DAZAP1: variants seen among roughly 807,000 people sequenced by gnomAD.
The protein encoded by DAZAP1 is DAZ associated protein 1, also known as DAZ-associated protein 1.
A neutral mutation model predicts 60.1 loss-of-function variants in DAZAP1; 6 were observed. The observed-to-expected ratio is 0.10, with a 90% CI of 0.05 to 0.20. DAZAP1 has a LOEUF of 0.20. Ranked by LOEUF, DAZAP1 falls within the 10% of genes least tolerant of loss-of-function variation. The pLI is 1.00. For missense variants in DAZAP1, 366 were observed against 560.4 expected (o/e 0.65, Z 3.50); for synonymous variants, 235 against 215.9 (o/e 1.09, Z -0.78).
In DAZAP1 at chr19:1,426,044, T is replaced by C. The variant is rs558831610; in HGVS notation, c.546+84T>C. On this transcript the variant is annotated intron_variant, in intron 7 of 11. Coordinates refer to ENST00000233078, the MANE Select transcript of DAZAP1 (RefSeq NM_018959.4). This position sits in a 1 kb window ranked among gnomAD's most constrained non-coding sequence, Gnocchi z 5.4. ...GGTTTCACTGGAAAGGAACATTCCTTCACGGAAAGGGTCGGGCGAGTTCGT... is the reference window on the plus strand; with the variant it reads ...GGTTTCACTGGAAAGGAACATTCCTCCACGGAAAGGGTCGGGCGAGTTCGT... 233 of 1,034,610 alleles carry C rather than the reference T, an allele frequency of 2.3e-4. No individual in the cohort carries two copies. Among genetic ancestry groups the C allele is most frequent in the Middle Eastern group, 6.1e-4 (3 of 4,936 alleles). The allele number at this position is 1,034,610 out of a possible 1,614,324, so 64.1% of individuals were successfully genotyped here.
chr19:1,422,490 G>GT lies in DAZAP1; in HGVS notation c.463+95dup. 1 of 1,217,364 alleles carries GT rather than the reference G, an allele frequency of 8.2e-7. No individual in the cohort carries two copies. The highest frequency in any genetic ancestry group is 1.2e-6 in the Non-Finnish European group (1 of 834,894). The allele number at this position is 1,217,364 out of a possible 1,614,324, so 75.4% of individuals were successfully genotyped here. On this transcript the variant is annotated intron_variant, in intron 6 of 11. Coordinates refer to ENST00000233078, the MANE Select transcript of DAZAP1 (RefSeq NM_018959.4). This position sits in a 1 kb window ranked among gnomAD's most constrained non-coding sequence, Gnocchi z 4.5. ...CGCCAGGCACACACAGGTGGCGGCT[G>GT]TAGCAAACAGCCTCAGGAAGGGACG... is the stretch of plus-strand genomic sequence containing the variant.
chr19:1,433,686 T>C lies in DAZAP1; in HGVS notation c.1048+996T>C. 1.4e-6 allele frequency: 2 copies of C among 1,479,082 alleles called. No homozygotes were observed. Among genetic ancestry groups the C allele is most frequent in the Non-Finnish European group, 9.4e-7 (1 of 1,059,872 alleles). 91.6% of individuals were successfully genotyped at this position (1,479,082 alleles called of 1,614,324 possible). ...TTGGGGCGTGGCGTGTGTCAGCCGC[T>C]GCTCTTGGTGGCGGCTGCTTGGGTT... On this transcript the variant is annotated intron_variant, in intron 11 of 11. Transcript: ENST00000233078. This position sits in a 1 kb window ranked among gnomAD's most constrained non-coding sequence, Gnocchi z 6.1.
chr19:1,413,480 G>T (rs2082884908), intron 1 of DAZAP1, among the ~76,000 whole-genome samples: 1 of 152,264 alleles, frequency 6.6e-6, no homozygotes, highest in South Asian at 2.1e-4. Context: ...CCTGGAGGCA[G>T]TCCCTGCCAC....
chr19:1,414,033 T>G (rs967563772), intron 1 of DAZAP1, among the ~76,000 whole-genome samples: 6 of 73,672 alleles, frequency 8.1e-5, no homozygotes, highest in African/African-American at 1.8e-4. Flanking sequence ...GTGTGTGTGT[T>G]TAGATGGACC....
Position 1,426,245 on chromosome 19 carries a change from G to A in DAZAP1, c.546+285G>A, listed in dbSNP as rs1429870989. On this transcript the variant is annotated intron_variant, in intron 7 of 11. Coordinates refer to ENST00000233078, the MANE Select transcript of DAZAP1 (RefSeq NM_018959.4). This position sits in a 1 kb window ranked among gnomAD's most constrained non-coding sequence, Gnocchi z 5.4. ...GGGCTGGGGCTGGGAGGCTGTGGCGGTGTTGGGGCTGGCTCCAGTGAAACC... is the reference window on the plus strand; with the variant it reads ...GGGCTGGGGCTGGGAGGCTGTGGCGATGTTGGGGCTGGCTCCAGTGAAACC... 3 of 417,992 alleles carry A rather than the reference G, an allele frequency of 7.2e-6. No homozygotes were observed. The highest frequency in any genetic ancestry group is 4.1e-5 in the African/African-American group (2 of 49,224). 25.9% of individuals were successfully genotyped at this position (417,992 alleles called of 1,614,324 possible).
In DAZAP1 at chr19:1,430,285, A is replaced by T. The variant is rs1294542593; in HGVS notation, c.794A>T (p.Tyr265Phe). 4 of 1,470,554 alleles carry T rather than the reference A, an allele frequency of 2.7e-6. No individual in the cohort carries two copies. The highest frequency in any genetic ancestry group is 3.7e-6 in the Non-Finnish European group (4 of 1,080,062). The allele number at this position is 1,470,554 out of a possible 1,614,324, so 91.1% of individuals were successfully genotyped here. A position where few individuals can be genotyped will look rare whatever the true frequency, so the allele number is the denominator to read the frequency against. ...CCGCCACCCCCACCGTTCACCTCCT[A>T]CATCGTGTCCACCCCTCCTGGAGGC... ...APPPPPPFTS[Y>F]IVSTPPGGFP... is the part of the protein sequence containing the mutation. Residue 265 changes from tyrosine (Y) to phenylalanine (F), a missense_variant, in exon 10 of 12, where the codon TAC (tyrosine) becomes TTC (phenylalanine). Tyr to Phe is a conservative substitution (Grantham distance 22). This residue lies in a region of DAZAP1 where 240 missense variants were observed against 308.8 expected (regional missense o/e 0.78). Transcript: ENST00000233078.
chr19:1,410,108 G>C (rs753549397), intron 1 of DAZAP1: 1 of 152,264 alleles, frequency 6.6e-6, no homozygotes, highest in African/African-American at 2.4e-5. Flanking sequence ...CTTGGGGGAA[G>C]CTCTGCTTTT....
chr19:1,414,277 C>G (rs1351343589), intron 1 of DAZAP1, among the ~76,000 whole-genome samples: 1 of 152,098 alleles, frequency 6.6e-6, no homozygotes, highest in Non-Finnish European at 1.5e-5. Context: ...CTCAGCCTTG[C>G]AAAGTGCTGG....
At chr19:1,419,466 G>A (rs1250546386) in intron 4 of DAZAP1, among the ~76,000 whole-genome samples, 6 of 152,164 alleles carry the variant, frequency 3.9e-5, no homozygotes, top group Non-Finnish European at 7.4e-5. Context: ...CCTAAGGACC[G>A]GAGGGTGCGT....
chr19:1,407,749 G>A lies in DAZAP1; in HGVS notation c.-25G>A. The A allele has an allele frequency of 9.2e-7, 1 of 1,084,220 alleles. No individual in the cohort carries two copies. The allele number at this position is 1,084,220 out of a possible 1,614,324, so 67.2% of individuals were successfully genotyped here. The stretch of plus-strand genomic sequence containing the variant: ...GGAGCGAGCGAGGAGGCCCGGGAGC[G>A]CCGAGCGTCGCCGCCGCCGCCGCCA... On this transcript the variant is annotated 5_prime_UTR_variant, in exon 1 of 12. Transcript: ENST00000233078.
chr19:1,414,029 G>GTGTT (rs1219900372), intron 1 of DAZAP1, among the ~76,000 whole-genome samples: 2 of 149,520 alleles, frequency 1.3e-5, no homozygotes, highest in Non-Finnish European at 3.0e-5. Context: ...GTGTGTGTGT[G>GTGTT]TGTTTAGATG....
At chr19:1,421,119 G>A in intron 4 of DAZAP1, 29 bp from the exon 5 acceptor site, 1 of 1,607,948 alleles carries the variant, frequency 6.2e-7, no homozygotes, top group Non-Finnish European at 8.5e-7. Context: ...GTTCCCGTGT[G>A]AACTAACTAT....
At chr19:1,421,396 C>A (rs1314295477) in intron 5 of DAZAP1, 138 bp downstream of exon 5, 2 of 707,342 alleles carry the variant, frequency 2.8e-6, no homozygotes, top group Non-Finnish European at 4.7e-6. Context: ...CGTATTTCCC[C>A]AACGCCTGCG....
chr19:1,432,738 G>T lies in DAZAP1; in HGVS notation c.1048+48G>T. On this transcript the variant is annotated intron_variant, in intron 11 of 11. Coordinates refer to ENST00000233078, the MANE Select transcript of DAZAP1 (RefSeq NM_018959.4). The surrounding 1 kb of genome is among the most constrained non-coding windows in gnomAD (Gnocchi z 4.9). ...GCGTCCCCGCTGGCCCCAGGACCCT[G>T]GGCACGGCCTGCCTTCTTCTGCTTC... 6.5e-7 allele frequency: 1 copy of T among 1,530,206 alleles called. No individual in the cohort carries two copies. Among genetic ancestry groups the T allele is most frequent in the South Asian group, 1.3e-5 (1 of 79,042 alleles). 94.8% of individuals were successfully genotyped at this position (1,530,206 alleles called of 1,614,324 possible).
chr19:1,413,664 C>G (rs1343778337), intron 1 of DAZAP1, among the ~76,000 whole-genome samples: 1 of 152,214 alleles, frequency 6.6e-6, no homozygotes, highest in Non-Finnish European at 1.5e-5. Flanking sequence ...TGGCCGCGCG[C>G]GGTGCCTCAC....
In DAZAP1 at chr19:1,432,751, C is replaced by G; in HGVS notation, c.1048+61C>G. On this transcript the variant is annotated intron_variant, in intron 11 of 11. Transcript: ENST00000233078. This position sits in a 1 kb window ranked among gnomAD's most constrained non-coding sequence, Gnocchi z 4.9. Reference sequence around the variant, plus strand: ...CCCCAGGACCCTGGGCACGGCCTGCCTTCTTCTGCTTCCTCCCCTGCTGGA... The same window carrying G: ...CCCCAGGACCCTGGGCACGGCCTGCGTTCTTCTGCTTCCTCCCCTGCTGGA... The G allele has an allele frequency of 1.3e-6, 2 of 1,501,100 alleles. No homozygotes were observed. Among genetic ancestry groups the G allele is most frequent in the Non-Finnish European group, 1.8e-6 (2 of 1,113,170 alleles). 93.0% of individuals were successfully genotyped at this position (1,501,100 alleles called of 1,614,324 possible). A position where few individuals can be genotyped will look rare whatever the true frequency, so the allele number is the denominator to read the frequency against.
chr19:1,413,943 AT>A (rs1210137536), intron 1 of DAZAP1, among the ~76,000 whole-genome samples: 2 of 151,192 alleles, frequency 1.3e-5, no homozygotes, highest in Admixed American at 6.6e-5. Context: ...ATTGGCTGAC[AT>A]TTTACCCTTT....
chr19:1,427,097 G>T (rs1024370111), intron 7 of DAZAP1: 4 of 152,230 alleles, frequency 2.6e-5, no homozygotes, highest in Non-Finnish European at 2.9e-5. Context: ...AACTAAAACA[G>T]GAGACACAAT....
chr19:1,414,009 G>GTGTGTGTGTGTGTGTGTGTGTGTT (rs2082903395), intron 1 of DAZAP1, among the ~76,000 whole-genome samples: 1 of 150,470 alleles, frequency 6.6e-6, no homozygotes, highest in Non-Finnish European at 1.5e-5. Flanking sequence ...GTGTGTGTGT[G>GTGTGTGTGTGTGTGTGTGTGTGTT]TGTGTGTGTG....
Sources: allele counts gnomAD v4.1 joint callset (sites outside exome capture counted in the v4.1 genomes callset), GRCh38; gene constraint gnomAD v4.1.1; regional missense constraint gnomAD v4.1.1; non-coding constraint Gnocchi (gnomAD v3.1); transcripts MANE v1.5; gene names NCBI Gene and HGNC (gene_info 2026-07-23, HGNC 2026-07-21).